The following ZNF438 variants were observed in gnomAD, a reference collection of about 807,000 sequenced individuals.
ZNF438 encodes zinc finger protein 438.
In ZNF438, 25 loss-of-function variants were observed where a neutral mutation model predicts 38.0. That is an observed-to-expected ratio of 0.66 (90% confidence interval 0.48 to 0.92). ZNF438 has a LOEUF of 0.92. ZNF438 is among the 40% of genes least tolerant of loss of function. The pLI is 0.00. For synonymous variants in ZNF438, 372 were observed against 364.1 expected, an observed-to-expected ratio of 1.02 and a Z score of -0.25; for missense variants, 1,007 against 999.6, an observed-to-expected ratio of 1.01 and a Z score of -0.10.
intron 4 of ZNF438, 120 bp from the exon 6 acceptor site, chr10:30,850,487 T>A: frequency 8.6e-7 from 1 of 1,161,042 alleles, no homozygotes. Flanking sequence ...CCTCCAAGCC[T>A]TCTGGGCAAA....
chr10:30,971,673 T>G (rs2050754370), intron 1 of ZNF438, among the ~76,000 whole-genome samples: 1 of 152,172 alleles, frequency 6.6e-6, no homozygotes, highest in Non-Finnish European at 1.5e-5. Flanking sequence ...CGTGTTCAAA[T>G]TTCTAAAACC....
rs755902007 is a variant in ZNF438, at chr10:30,849,179, C to T, written c.1226G>A (p.Arg409Lys). 1.4e-5 allele frequency: 23 copies of T among 1,613,888 alleles called. No individual in the cohort carries two copies. In the Admixed American group the frequency reaches 2.8e-4, roughly 20 times the overall value. ...ATTTTTTACTCTTTCTTTACCATCT[C>T]TACACTTATTAATGATATATTTCCT... Residue 409 changes from arginine (R) to lysine (K), a missense_variant, in exon 5 of 6, where the codon AGA becomes AAA. Physicochemically the swap from Arg to Lys is conservative, Grantham distance 26. Coordinates refer to ENST00000413025, the Ensembl canonical transcript of ZNF438.
chr10:31,017,905 C>T (rs1003934700), intron 1 of ZNF438, among the ~76,000 whole-genome samples: 2 of 152,270 alleles, frequency 1.3e-5, no homozygotes, highest in South Asian at 2.1e-4. Context: ...ATGTCCCAAA[C>T]AGGCTTATTC....
chr10:30,972,023 G>A (rs1032277021), intron 1 of ZNF438, among the ~76,000 whole-genome samples: 5 of 151,180 alleles, frequency 3.3e-5, no homozygotes, highest in Admixed American at 1.3e-4. Flanking sequence ...AGGCTGGAGT[G>A]CAGTGGCACA....
At chr10:31,014,247 C>A (rs1313787972) in intron 1 of ZNF438, among the ~76,000 whole-genome samples, 1 of 152,162 alleles carries the variant, frequency 6.6e-6, no homozygotes, top group Non-Finnish European at 1.5e-5. Context: ...GCTACCACAA[C>A]AACAGAAATT....
At chr10:30,948,525 C>A (rs1302260023) in intron 1 of ZNF438, among the ~76,000 whole-genome samples, 4 of 151,926 alleles carry the variant, frequency 2.6e-5, no homozygotes, top group Non-Finnish European at 4.4e-5. Flanking sequence ...GAACGTATAA[C>A]TAGAATAACC....
At chr10:31,028,632 G>GT (rs1176592112) in intron 1 of ZNF438, among the ~76,000 whole-genome samples, 1 of 152,140 alleles carries the variant, frequency 6.6e-6, no homozygotes, top group Non-Finnish European at 1.5e-5. Context: ...TAATCGGCAT[G>GT]TATTTATGCA....
chr10:30,998,288 C>A (rs1279264084), intron 1 of ZNF438, among the ~76,000 whole-genome samples: 2 of 151,878 alleles, frequency 1.3e-5, no homozygotes, highest in African/African-American at 2.4e-5. Context: ...TGCCTGTAAT[C>A]CTAGCACTTT....
At chr10:30,974,438 A>G (rs962374628) in intron 1 of ZNF438, among the ~76,000 whole-genome samples, 2 of 152,196 alleles carry the variant, frequency 1.3e-5, no homozygotes, top group African/African-American at 4.8e-5. Flanking sequence ...AAGCTATTGC[A>G]CTCTAGCCTG....
At chr10:31,000,913 T>G (rs2054589671) in intron 1 of ZNF438, among the ~76,000 whole-genome samples, 1 of 152,214 alleles carries the variant, frequency 6.6e-6, no homozygotes, top group Non-Finnish European at 1.5e-5. Context: ...ATTTCTACAC[T>G]TCTACCTTTC....
chr10:30,854,380 C>T (rs1388475234), intron 4 of ZNF438, among the ~76,000 whole-genome samples: 1 of 152,148 alleles, frequency 6.6e-6, no homozygotes, highest in Non-Finnish European at 1.5e-5. Context: ...TCCTAGAGGA[C>T]AGGGAGTTGG....
At chr10:30,857,258 CT>C (rs10682942) in intron 4 of ZNF438, among the ~76,000 whole-genome samples, 254 of 135,872 alleles carry the variant, frequency 1.9e-3, no homozygotes, top group Non-Finnish European at 2.2e-3. Context: ...TCTAAAATTT[CT>C]TTTTTTTTTT....
chr10:31,003,428 G>C (rs1668063876), intron 1 of ZNF438, among the ~76,000 whole-genome samples: 4 of 152,110 alleles, frequency 2.6e-5, no homozygotes, highest in Admixed American at 1.3e-4. Context: ...GTTCTGGCCT[G>C]AATCCCTTCA....
intron 3 of ZNF438, among the ~76,000 whole-genome samples, chr10:30,891,810 G>C (rs1564583340): frequency 6.6e-6 from 1 of 152,054 alleles, no homozygotes; most frequent in Non-Finnish European, 1.5e-5. Flanking sequence ...AAATGTCTAG[G>C]ATACAGATAT....
At chr10:30,952,196 A>C (rs1012612353) in intron 1 of ZNF438, among the ~76,000 whole-genome samples, 4 of 151,700 alleles carry the variant, frequency 2.6e-5, no homozygotes, top group African/African-American at 7.3e-5. Flanking sequence ...CTGGCTAGAC[A>C]TATGTAGAAA....
rs926220136 is a variant in ZNF438 at position 30,898,356 on chromosome 10, A to C, written c.-32+10577T>G. Among the ~76,000 whole-genome samples the C allele has an allele frequency of 8.5e-5, 13 of 152,284 alleles. No homozygotes were observed. In the East Asian group the frequency reaches 1.7e-3, roughly 20 times the overall value. On this transcript the variant is annotated intron_variant, in intron 3 of 5. Coordinates refer to ENST00000413025, the Ensembl canonical transcript of ZNF438. ...GGAAAGATGTCCATAACATCATCTTAAGTGAAGCAAGCTGTGGAACAGTAG... is the reference window on the plus strand; with the variant it reads ...GGAAAGATGTCCATAACATCATCTTCAGTGAAGCAAGCTGTGGAACAGTAG...
At chr10:30,950,251 G>A (rs987801050) in intron 1 of ZNF438, among the ~76,000 whole-genome samples, 9 of 152,160 alleles carry the variant, frequency 5.9e-5, no homozygotes, top group Non-Finnish European at 7.4e-5. Context: ...TCAAAGCAGC[G>A]TGTAAAGGGA....
chr10:30,947,900 C>A (rs984482017), intron 1 of ZNF438, among the ~76,000 whole-genome samples: 3 of 152,230 alleles, frequency 2.0e-5, no homozygotes, highest in Non-Finnish European at 4.4e-5. Flanking sequence ...ACCCACTGAC[C>A]TGCGCCCACT....
chr10:30,845,600 A>G (rs774658884), intron 5 of ZNF438, 27 bp from the exon 7 acceptor site: 4 of 1,582,252 alleles, frequency 2.5e-6, no homozygotes, highest in Non-Finnish European at 3.4e-6. Flanking sequence ...TAATGAAGAT[A>G]AGATTTCATG....
Sources: allele counts gnomAD v4.1 joint callset (sites outside exome capture counted in the v4.1 genomes callset), GRCh38; gene constraint gnomAD v4.1.1; transcripts MANE v1.5; gene names NCBI Gene and HGNC (gene_info 2026-07-23, HGNC 2026-07-21).